Variants in RUFY1 observed in about 807,000 individuals in gnomAD.
The protein encoded by RUFY1 is RUN and FYVE domain containing 1.
In RUFY1, 54 loss-of-function variants were observed where a neutral mutation model predicts 94.6. The observed-to-expected ratio is 0.57, with a 90% CI of 0.46 to 0.72. The LOEUF (loss-of-function observed/expected upper bound fraction) is 0.72. Ranked by LOEUF, RUFY1 falls within the 30% of genes least tolerant of loss-of-function variation. The pLI is 0.00. For synonymous variants in RUFY1, 396 were observed against 347.3 expected, an observed-to-expected ratio of 1.14 and a Z score of -1.56; for missense variants, 883 against 883.9, an observed-to-expected ratio of 1.00 and a Z score of 0.01.
Position 179,609,746 on chromosome 5 carries a change from A to G in RUFY1, c.*227A>G, listed in dbSNP as rs1191336956. The G allele has an allele frequency of 1.5e-5, 7 of 469,842 alleles. No homozygotes were observed. The South Asian group carries it at 2.3e-4, about 15-fold the overall frequency. 29.1% of individuals were successfully genotyped at this position (469,842 alleles called of 1,614,324 possible). A position where few individuals can be genotyped will look rare whatever the true frequency, so the allele number is the denominator to read the frequency against. ...GGAAACTTCCATCTTACTTGGTTACATCACGGCTCTGGTTCAGATACAACT... is the reference window on the plus strand; with the variant it reads ...GGAAACTTCCATCTTACTTGGTTACGTCACGGCTCTGGTTCAGATACAACT... On this transcript the variant is annotated 3_prime_UTR_variant, in exon 18 of 18. Coordinates refer to ENST00000319449, the MANE Select transcript of RUFY1 (RefSeq NM_025158.5).
chr5:179,567,435 T>G, intron 3 of RUFY1, 26 bp from the exon 4 acceptor site: 2 of 1,547,500 alleles, frequency 1.3e-6, no homozygotes, highest in Non-Finnish European at 8.9e-7. Flanking sequence ...TATGCCACAA[T>G]AGTTGATTCT....
rs150673433 is a variant in RUFY1, at chr5:179,593,507, T to G, written c.1275T>G (p.Ile425Met). Reference sequence around the variant, plus strand: ...TGGAAAAAGAACTGGAGTTACAAATTGGAATGAAAACCGAAATGGAAATTG... The same window carrying G: ...TGGAAAAAGAACTGGAGTTACAAATGGGAATGAAAACCGAAATGGAAATTG... ...LELEKELELQ[I>M]GMKTEMEIAM... The change falls in exon 11 of 18, where the codon ATT (isoleucine) becomes ATG (methionine). Residue 425 changes from isoleucine to methionine, a missense_variant. Ile to Met is a conservative substitution (Grantham distance 10, BLOSUM62 1). Coordinates refer to ENST00000319449, the MANE Select transcript of RUFY1 (RefSeq NM_025158.5). 80 of 1,607,140 alleles carry G rather than the reference T, an allele frequency of 5.0e-5. No homozygotes were observed. The highest frequency in any genetic ancestry group is 6.6e-5 in the Non-Finnish European group (77 of 1,173,738).
At position 179,605,860 on chromosome 5, in the gene RUFY1, T is replaced by C. The variant is rs547814253; in HGVS notation, c.1857-16T>C. The C allele has an allele frequency of 3.1e-5, 44 of 1,420,092 alleles. No homozygotes were observed. The African/African-American group carries it at 5.9e-4, about 19-fold the overall frequency. The allele number at this position is 1,420,092 out of a possible 1,614,324, so 88.0% of individuals were successfully genotyped here. Reference sequence around the variant, plus strand: ...TCTCTCTCACTGCTATGAAATGGCCTTTTTTTTTTCCTTAGGTCCAAGCTG... The same window carrying C: ...TCTCTCTCACTGCTATGAAATGGCCCTTTTTTTTTCCTTAGGTCCAAGCTG... On this transcript the variant is annotated splice_polypyrimidine_tract_variant and intron_variant, in intron 15 of 17. Transcript: ENST00000319449.
At chr5:179,598,555 G>A in intron 13 of RUFY1, 137 bp from the exon 14 acceptor site, 1 of 951,270 alleles carries the variant, frequency 1.1e-6, no homozygotes. Flanking sequence ...CTGGAGGAGA[G>A]GGAAGCGTTG....
chr5:179,560,215 G>C lies in RUFY1; in HGVS notation c.484+17G>C. On this transcript the variant is annotated intron_variant, in intron 2 of 17. Coordinates refer to ENST00000319449, the MANE Select transcript of RUFY1 (RefSeq NM_025158.5). The stretch of plus-strand genomic sequence containing the variant: ...GGCTGAAAGGTGAGCCTGAGGGGGC[G>C]TTTGGGAGCGTGGAAGTTCGGGCTG... 1.2e-6 allele frequency: 2 copies of C among 1,607,634 alleles called. No homozygotes were observed. The highest frequency in any genetic ancestry group is 8.5e-7 in the Non-Finnish European group (1 of 1,175,318).
At chr5:179,604,488 T>A (rs1413762360) in intron 15 of RUFY1, among the ~76,000 whole-genome samples, 1 of 152,180 alleles carries the variant, frequency 6.6e-6, no homozygotes, top group African/African-American at 2.4e-5. Context: ...GCCTATTTCC[T>A]GTTTCTGCAG....
At chr5:179,592,163 A>G (rs2127555930) in intron 10 of RUFY1, among the ~76,000 whole-genome samples, 1 of 151,600 alleles carries the variant, frequency 6.6e-6, no homozygotes, top group Non-Finnish European at 1.5e-5. Context: ...CTTGTCGCCC[A>G]GGCTAGAGTG....
chr5:179,596,580 G>A lies in RUFY1; in HGVS notation c.1530G>A (p.Arg510=). The part of the protein sequence containing the change: ...QMEERLQHSE[R]ARQGAEERSH... ...CATCCAGGTTGCAGCACTCGGAGCG[G>A]GCGAGGCAGGGGGCTGAGGAGCGGA... Residue 510 remains arginine, a synonymous_variant, in exon 13 of 18, where the codon CGG becomes CGA. Coordinates refer to ENST00000319449, the MANE Select transcript of RUFY1 (RefSeq NM_025158.5). 1 of 1,613,670 alleles carries A rather than the reference G, an allele frequency of 6.2e-7. No individual in the cohort carries two copies. The highest frequency in any genetic ancestry group is 8.5e-7 in the Non-Finnish European group (1 of 1,180,012).
intron 5 of RUFY1, among the ~76,000 whole-genome samples, chr5:179,570,964 G>A (rs1262849865): frequency 6.6e-6 from 1 of 151,422 alleles, no homozygotes; most frequent in African/African-American, 2.5e-5. Context: ...GCATGCATGT[G>A]TGTGTGTATA....
In RUFY1 at chr5:179,550,692, A is replaced by G. The variant is rs760207775; in HGVS notation, c.123A>G (p.Arg41=). ...EPGEEFEIVD[R]SQLPGPGDLR... ...GAGAAGAGTTTGAGATCGTGGACCG[A>G]AGCCAGCTGCCCGGCCCAGGCGACC... The change falls in exon 1 of 18, where the codon CGA becomes CGG. Residue 41 remains arginine, a synonymous_variant. Coordinates refer to ENST00000319449, the MANE Select transcript of RUFY1 (RefSeq NM_025158.5). The G allele has an allele frequency of 8.0e-6, 12 of 1,496,600 alleles. No individual in the cohort carries two copies. In the Admixed American group the frequency reaches 2.5e-4, roughly 31 times the overall value. 92.7% of individuals were successfully genotyped at this position (1,496,600 alleles called of 1,614,324 possible).
rs1762308284 is a variant in RUFY1, at chr5:179,559,896, C to T, written c.311-129C>T. ...TTACCTGCGAATCCCGGTTGCCCGCCCGCCAGCACGTCCGTTCCCTAAGCA... is the reference window on the plus strand; with the variant it reads ...TTACCTGCGAATCCCGGTTGCCCGCTCGCCAGCACGTCCGTTCCCTAAGCA... On this transcript the variant is annotated intron_variant, in intron 1 of 17. Transcript: ENST00000319449. The T allele has an allele frequency of 2.8e-6, 4 of 1,433,436 alleles. No individual in the cohort carries two copies. In the East Asian group the frequency reaches 1.0e-4, roughly 36 times the overall value. The allele number at this position is 1,433,436 out of a possible 1,614,324, so 88.8% of individuals were successfully genotyped here. A position where few individuals can be genotyped will look rare whatever the true frequency, so the allele number is the denominator to read the frequency against.
At chr5:179,578,408 C>T (rs1763829224) in intron 6 of RUFY1, among the ~76,000 whole-genome samples, 2 of 150,894 alleles carry the variant, frequency 1.3e-5, no homozygotes, top group African/African-American at 2.4e-5. Context: ...TAGTAGAGAC[C>T]GGGTTTCACC....
At chr5:179,586,399 G>A (rs1354204799) in intron 8 of RUFY1, 4 of 456,580 alleles carry the variant, frequency 8.8e-6, no homozygotes, top group Admixed American at 2.4e-5. Flanking sequence ...CCAGCTGCCC[G>A]GCAGTCTCCT....
intron 6 of RUFY1, among the ~76,000 whole-genome samples, chr5:179,579,036 T>C (rs1165349551): frequency 6.6e-6 from 1 of 152,216 alleles, no homozygotes; most frequent in African/African-American, 2.4e-5. Context: ...ATCAACCTTA[T>C]AGTAGTGATT....
At position 179,591,335 on chromosome 5, in the gene RUFY1, C is replaced by A. The variant is rs180863765; in HGVS notation, c.1129-290C>A. Among the ~76,000 whole-genome samples the A allele has an allele frequency of 8.8e-3, 1,342 of 152,086 alleles. 22 individuals are homozygous for A. Among genetic ancestry groups the A allele is most frequent in the African/African-American group, 0.029 (1,197 of 41,478 alleles). On this transcript the variant is annotated intron_variant, in intron 9 of 17. Coordinates refer to ENST00000319449, the MANE Select transcript of RUFY1 (RefSeq NM_025158.5). ...AAGTAGCTGGGACTACAGGCGCCCA[C>A]CACCACGCCCAGCTAATTGTTTGTG... is the stretch of plus-strand genomic sequence containing the variant.
rs186494640 is a variant in RUFY1 at position 179,569,393 on chromosome 5, C to A, written c.796C>A (p.Leu266Ile). Residue 266 changes from leucine (L) to isoleucine (I), a missense_variant, in exon 5 of 18, where the codon CTC (leucine) becomes ATC (isoleucine). Coordinates refer to ENST00000319449, the MANE Select transcript of RUFY1 (RefSeq NM_025158.5). ...GGGACTCAATGTTCTCGATGCCAAT[C>A]TCTGCTTGAAAGGAGAAGACTTGGA... ...LVGLNVLDAN[L>I]CLKGEDLDSQ... 1.9e-6 allele frequency: 3 copies of A among 1,613,574 alleles called. No homozygotes were observed. The highest frequency in any genetic ancestry group is 1.7e-5 in the Admixed American group (1 of 59,888).
intron 3 of RUFY1, among the ~76,000 whole-genome samples, chr5:179,563,819 G>A (rs952408868): frequency 4.0e-5 from 6 of 151,656 alleles, no homozygotes; most frequent in African/African-American, 7.3e-5. Flanking sequence ...TTACAGGCAC[G>A]TGCCACCACA....
intron 5 of RUFY1, among the ~76,000 whole-genome samples, chr5:179,570,585 C>G (rs757513627): frequency 1.1e-4 from 16 of 152,034 alleles, no homozygotes; most frequent in Non-Finnish European, 1.3e-4. Flanking sequence ...GAATAGGTAC[C>G]CTAACCCATT....
At chr5:179,559,333 T>C (rs1213810183) in intron 1 of RUFY1, among the ~76,000 whole-genome samples, 1 of 151,962 alleles carries the variant, frequency 6.6e-6, no homozygotes, top group Non-Finnish European at 1.5e-5. Flanking sequence ...TGAATTCATT[T>C]GACTCCAACG....
Sources: gnomAD v4.1 joint callset for allele counts (sites outside exome capture counted in the v4.1 genomes callset) on GRCh38, gnomAD v4.1.1 for gene constraint, MANE v1.5 for transcripts, NCBI Gene and HGNC (gene_info 2026-07-23, HGNC 2026-07-21) for gene names.